ZBTB8OS: variants seen among roughly 807,000 people sequenced by gnomAD.
The protein encoded by ZBTB8OS is tRNA-splicing ligase-activating factor archease.
In ZBTB8OS, 16 loss-of-function variants were observed where a neutral mutation model predicts 29.3. That is an observed-to-expected ratio of 0.55 (90% CI 0.37 to 0.83). The LOEUF is 0.83. Among genes scored for constraint, ZBTB8OS ranks in the 40% least tolerant of loss-of-function variants. The pLI is 0.00. For missense variants in ZBTB8OS, 160 were observed against 196.9 expected, an observed-to-expected ratio of 0.81 and a Z score of 1.12; for synonymous variants, 70 against 64.6, an observed-to-expected ratio of 1.08 and a Z score of -0.40.
At chr1:32,646,618 G>A (rs1646855743) in intron 1 of ZBTB8OS, among the ~76,000 whole-genome samples, 1 of 151,002 alleles carries the variant, frequency 6.6e-6, no homozygotes, top group Non-Finnish European at 1.5e-5. Context: ...TCAATCTCCT[G>A]ACCTCGTGAT....
chr1:32,646,043 G>A (rs1261904526), intron 1 of ZBTB8OS, among the ~76,000 whole-genome samples: 3 of 152,062 alleles, frequency 2.0e-5, no homozygotes, highest in African/African-American at 7.2e-5. Context: ...ATTTTGGCTG[G>A]GTGCAGTGCC....
intron 6 of ZBTB8OS, among the ~76,000 whole-genome samples, chr1:32,625,670 C>T (rs1645076205): frequency 1.3e-5 from 2 of 152,070 alleles, no homozygotes; most frequent in African/African-American, 2.4e-5. Context: ...CTAGGAGTTT[C>T]GGATCAGCCT....
At chr1:32,637,565 C>CA (rs767552219) in intron 1 of ZBTB8OS, among the ~76,000 whole-genome samples, 8,037 of 125,812 alleles carry the variant, frequency 0.064, 299 homozygotes, top group Admixed American at 0.14. Context: ...AAGACTGCCT[C>CA]AAAAAAAAAA....
intron 1 of ZBTB8OS, among the ~76,000 whole-genome samples, chr1:32,643,247 T>C (rs1646571302): frequency 6.6e-6 from 1 of 150,894 alleles, no homozygotes; most frequent in South Asian, 2.1e-4. Context: ...ATTTTTTGTA[T>C]TTTTAGTAGA....
At chr1:32,640,148 G>A (rs1646286126) in intron 1 of ZBTB8OS, 2 of 152,002 alleles carry the variant, frequency 1.3e-5, no homozygotes, top group Non-Finnish European at 2.9e-5. Context: ...CCAGGCTGGA[G>A]TGCAGTGGTG....
chr1:32,638,101 T>G (rs935741085), intron 1 of ZBTB8OS, among the ~76,000 whole-genome samples: 6 of 152,172 alleles, frequency 3.9e-5, no homozygotes, highest in African/African-American at 1.4e-4. Context: ...CTTCCCAAAG[T>G]GCTGGGATTA....
Position 32,633,714 on chromosome 1 carries a change from C to T in ZBTB8OS, c.258G>A (p.Gln86=). The change falls in exon 4 of 7, where the codon CAG becomes CAA. Residue 86 remains glutamine (Q), a synonymous_variant. Coordinates refer to ENST00000468695, the MANE Select transcript of ZBTB8OS (RefSeq NM_178547.5). The part of the protein sequence containing the change: ...VEVETQGDDL[Q]SLLFHFLDEW... ...CATCCAAAAAGTGAAACAGAAGAGA[C>T]TGTAAGTCATCTCCTACACAAGATC... 6.2e-7 allele frequency: 1 copy of T among 1,606,274 alleles called. No individual in the cohort carries two copies. The highest frequency in any genetic ancestry group is 8.5e-7 in the Non-Finnish European group (1 of 1,177,466).
At chr1:32,641,856 G>T (rs1646436105) in intron 1 of ZBTB8OS, among the ~76,000 whole-genome samples, 1 of 152,060 alleles carries the variant, frequency 6.6e-6, no homozygotes, top group Admixed American at 6.6e-5. Context: ...GGGAGACGGA[G>T]GTTGCAGTGA....
upstream of ZBTB8OS, chr1:32,650,886 A>G (rs1483929125): frequency 2.1e-6 from 1 of 479,094 alleles, no homozygotes; most frequent in Non-Finnish European, 3.7e-6. Flanking sequence ...TTTTCATCTC[A>G]GTACTCTGAA....
At chr1:32,644,918 C>T (rs1646722706) in intron 1 of ZBTB8OS, among the ~76,000 whole-genome samples, 1 of 151,998 alleles carries the variant, frequency 6.6e-6, no homozygotes, top group Admixed American at 6.6e-5. Context: ...CGGTGGCTCA[C>T]GCCTGTAATC....
At chr1:32,633,817 G>GT in intron 3 of ZBTB8OS, 90 bp from the exon 4 acceptor site, 8 of 1,462,268 alleles carry the variant, frequency 5.5e-6, no homozygotes, top group Non-Finnish European at 1.8e-6. Flanking sequence ...TCTTAGGTCA[G>GT]TTTAAAGAGA....
chr1:32,637,434 G>T (rs1646058375), intron 1 of ZBTB8OS, among the ~76,000 whole-genome samples: 1 of 151,956 alleles, frequency 6.6e-6, no homozygotes, highest in Non-Finnish European at 1.5e-5. Flanking sequence ...TGGGCGTGGT[G>T]GCACCCGCCT....
chr1:32,634,835 A>G (rs1477819643), intron 1 of ZBTB8OS, 43 bp from the exon 2 acceptor site: 7 of 1,294,944 alleles, frequency 5.4e-6, no homozygotes, highest in Non-Finnish European at 7.9e-6. Context: ...ACTAAACTTG[A>G]CTCTCAAATC....
intron 1 of ZBTB8OS, among the ~76,000 whole-genome samples, chr1:32,644,704 CTTTTTTTT>C (rs1190646557): frequency 1.5e-4 from 16 of 105,598 alleles, no homozygotes; most frequent in Admixed American, 1.4e-3. Flanking sequence ...CCACACCCAG[CTTTTTTTT>C]TTTTTTTTTT....
intron 1 of ZBTB8OS, among the ~76,000 whole-genome samples, chr1:32,643,802 A>AT (rs1032461214): frequency 3.5e-4 from 29 of 82,882 alleles, no homozygotes; most frequent in South Asian, 1.1e-3. Flanking sequence ...GCCCCAGCTA[A>AT]TTTTTTTTAC....
At chr1:32,627,619 G>A (rs543962683) in intron 5 of ZBTB8OS, 75 bp from the exon 6 acceptor site, 2 of 1,441,428 alleles carry the variant, frequency 1.4e-6, no homozygotes, top group African/African-American at 2.8e-5. Flanking sequence ...TTGTAAATGT[G>A]GTTAACATGC....
chr1:32,644,890 T>A (rs1387476600), intron 1 of ZBTB8OS, among the ~76,000 whole-genome samples: 6 of 151,732 alleles, frequency 4.0e-5, no homozygotes, highest in African/African-American at 9.7e-5. Flanking sequence ...AATATAATAA[T>A]AAAAAGGCAG....
intron 1 of ZBTB8OS, among the ~76,000 whole-genome samples, chr1:32,635,943 G>A (rs550122663): frequency 1.3e-3 from 191 of 152,270 alleles, no homozygotes; most frequent in Non-Finnish European, 2.1e-3. Context: ...TAGAGTTTAA[G>A]GGTCATGTAG....
At chr1:32,643,549 G>C (rs968262806) in intron 1 of ZBTB8OS, among the ~76,000 whole-genome samples, 1 of 150,964 alleles carries the variant, frequency 6.6e-6, no homozygotes, top group Non-Finnish European at 1.5e-5. Flanking sequence ...AGGCTGGAGT[G>C]CAGTGGCATG....
Sources: gnomAD v4.1 joint callset for allele counts (sites outside exome capture counted in the v4.1 genomes callset) on GRCh38, gnomAD v4.1.1 for gene constraint, MANE v1.5 for transcripts, NCBI Gene and HGNC (gene_info 2026-07-23, HGNC 2026-07-21) for gene names.